Variants in THSD4 observed in about 807,000 individuals in gnomAD.
The protein encoded by THSD4 is thrombospondin type-1 domain-containing protein 4.
Under a neutral mutation model 119.0 loss-of-function variants are expected in THSD4, and 69 were observed. The ratio of observed to expected loss-of-function variants is 0.58; its 90% CI spans 0.48 to 0.71. THSD4 has a LOEUF of 0.71. THSD4 is among the 30% of genes least tolerant of loss of function. The probability of loss-of-function intolerance (pLI) is 0.00; values close to 1 mark genes in which losing one functional copy is unlikely to be tolerated. For missense variants in THSD4, 1,393 were observed against 1,391.1 expected, an observed-to-expected ratio of 1.00 and a Z score of -0.02; for synonymous variants, 524 against 540.4, an observed-to-expected ratio of 0.97 and a Z score of 0.42.
At chr15:71,628,355 C>G (rs1403432158) in intron 7 of THSD4, among the ~76,000 whole-genome samples, 1 of 152,190 alleles carries the variant, frequency 6.6e-6, no homozygotes, top group African/African-American at 2.4e-5. Context: ...CACACTTCCT[C>G]ATGTTTCATA....
intron 7 of THSD4, among the ~76,000 whole-genome samples, chr15:71,546,595 C>A (rs1472253937): frequency 6.6e-6 from 1 of 152,162 alleles, no homozygotes; most frequent in African/African-American, 2.4e-5. Context: ...TCCCATGTTA[C>A]CACCTATTTT....
chr15:71,543,969 A>G (rs1195309724), intron 7 of THSD4, among the ~76,000 whole-genome samples: 1 of 152,192 alleles, frequency 6.6e-6, no homozygotes, highest in Non-Finnish European at 1.5e-5. Flanking sequence ...CAGAGGTTGC[A>G]ATGAGCTGAG....
rs1303069079 is a variant in THSD4, at chr15:71,318,362, T to C, written c.1015+61647T>C. Among the ~76,000 whole-genome samples the C allele has an allele frequency of 2.6e-5, 4 of 152,074 alleles. No individual in the cohort carries two copies. The East Asian group carries it at 7.7e-4, about 29-fold the overall frequency. ...CCAGGGAATGGCACTAGGCATAGGATGGAGCATGGTTTGAAGTGGAGTTAG... is the reference window on the plus strand; with the variant it reads ...CCAGGGAATGGCACTAGGCATAGGACGGAGCATGGTTTGAAGTGGAGTTAG... On this transcript the variant is annotated intron_variant, in intron 6 of 17. Coordinates refer to ENST00000261862, the MANE Select transcript of THSD4 (RefSeq NM_024817.3).
At chr15:71,197,828 T>C (rs2043733483) in intron 3 of THSD4, among the ~76,000 whole-genome samples, 1 of 152,172 alleles carries the variant, frequency 6.6e-6, no homozygotes, top group South Asian at 2.1e-4. Flanking sequence ...TACTGGGCTC[T>C]GGGAAGTGAG....
At chr15:71,623,828 C>T (rs1031805731) in intron 7 of THSD4, among the ~76,000 whole-genome samples, 2 of 150,854 alleles carry the variant, frequency 1.3e-5, no homozygotes, top group Admixed American at 1.3e-4. Flanking sequence ...GAGGCTGAGG[C>T]AGGACAGTCA....
chr15:71,226,267 T>C lies in THSD4; in HGVS notation c.464+10868T>C, dbSNP rs372383487. On this transcript the variant is annotated intron_variant, in intron 4 of 17. Coordinates refer to ENST00000261862, the MANE Select transcript of THSD4 (RefSeq NM_024817.3). ...CCATTCAAAAACAACATGGCTTGAT[T>C]ATTTTATTACTATTGACTAGATAAT... Among the ~76,000 whole-genome samples the C allele has an allele frequency of 3.9e-5, 6 of 152,322 alleles. No homozygotes were observed. The East Asian group carries it at 9.6e-4, about 24-fold the overall frequency.
chr15:71,757,103 G>T (rs1465713308), intron 14 of THSD4, among the ~76,000 whole-genome samples: 1 of 152,152 alleles, frequency 6.6e-6, no homozygotes, highest in Non-Finnish European at 1.5e-5. Flanking sequence ...TGTCAGAAAT[G>T]TGTTTCTATG....
intron 10 of THSD4, among the ~76,000 whole-genome samples, chr15:71,737,164 C>T (rs964130785): frequency 7.2e-5 from 11 of 152,152 alleles, no homozygotes; most frequent in African/African-American, 2.7e-4. Flanking sequence ...CCTGTATATT[C>T]AGATTTATGT....
At chr15:71,383,428 A>G (rs531285145) in intron 6 of THSD4, among the ~76,000 whole-genome samples, 1 of 152,356 alleles carries the variant, frequency 6.6e-6, no homozygotes, top group South Asian at 2.1e-4. Context: ...TGCCCAAATC[A>G]AGAAAGAAGG....
intron 7 of THSD4, among the ~76,000 whole-genome samples, chr15:71,653,089 T>G (rs149587023): frequency 1.3e-5 from 2 of 152,316 alleles, no homozygotes; most frequent in African/African-American, 4.8e-5. Context: ...CTTTTGATTC[T>G]TCAACCAGCT....
intron 7 of THSD4, among the ~76,000 whole-genome samples, chr15:71,460,881 G>A (rs1344186700): frequency 6.6e-6 from 1 of 151,644 alleles, no homozygotes; most frequent in Non-Finnish European, 1.5e-5. Flanking sequence ...CTTCTTGTTG[G>A]CCCCCTACTA....
At chr15:71,708,947 G>T (rs116779947) in intron 8 of THSD4, among the ~76,000 whole-genome samples, 1 of 152,200 alleles carries the variant, frequency 6.6e-6, no homozygotes, top group African/African-American at 2.4e-5. Flanking sequence ...ACTGCCACAC[G>T]AAGCAGCGCT....
intron 1 of THSD4, among the ~76,000 whole-genome samples, chr15:71,120,934 G>C (rs1485503496): frequency 1.3e-5 from 2 of 152,194 alleles, no homozygotes; most frequent in Non-Finnish European, 2.9e-5. Context: ...AGGATGACGA[G>C]CTTTGACTTA....
At chr15:71,728,365 A>G (rs2052904902) in intron 8 of THSD4, among the ~76,000 whole-genome samples, 184 bp from the exon 9 acceptor site, 1 of 152,212 alleles carries the variant, frequency 6.6e-6, no homozygotes, top group Admixed American at 6.5e-5. Flanking sequence ...TGAAGCAGTG[A>G]TTAAGCCCAA....
chr15:71,368,104 A>G (rs1459971129), intron 6 of THSD4, among the ~76,000 whole-genome samples: 7 of 152,080 alleles, frequency 4.6e-5, no homozygotes, highest in Non-Finnish European at 8.8e-5. Context: ...GTCTGTTCAT[A>G]TCCTTCGCCC....
intron 6 of THSD4, among the ~76,000 whole-genome samples, chr15:71,399,712 G>A (rs2046499969): frequency 6.6e-6 from 1 of 152,104 alleles, no homozygotes; most frequent in African/African-American, 2.4e-5. Flanking sequence ...AGCAGCACTG[G>A]CATCACCTGG....
At chr15:71,765,322 C>A in intron 16 of THSD4, 123 bp downstream of exon 16, 1 of 1,201,528 alleles carries the variant, frequency 8.3e-7, no homozygotes, top group Non-Finnish European at 1.1e-6. Flanking sequence ...AGCAATCTAC[C>A]TTAGGTGGTA....
chr15:71,657,112 C>A (rs1268493537), intron 7 of THSD4, among the ~76,000 whole-genome samples: 1 of 152,176 alleles, frequency 6.6e-6, no homozygotes, highest in Non-Finnish European at 1.5e-5. Flanking sequence ...ATAGAGCATG[C>A]AAGCGTTCCT....
At chr15:71,740,799 T>C (rs990644832) in intron 11 of THSD4, among the ~76,000 whole-genome samples, 2 of 152,230 alleles carry the variant, frequency 1.3e-5, no homozygotes, top group African/African-American at 4.8e-5. Flanking sequence ...CTCTGGTATC[T>C]GGCCAGCAAA....
Sources: allele counts gnomAD v4.1 joint callset (sites outside exome capture counted in the v4.1 genomes callset), GRCh38; gene constraint gnomAD v4.1.1; transcripts MANE v1.5; gene names NCBI Gene and HGNC (gene_info 2026-07-23, HGNC 2026-07-21).